Variants in KRT39 observed in about 807,000 individuals in gnomAD.
KRT39 encodes keratin, type I cytoskeletal 39.
A neutral mutation model predicts 54.8 loss-of-function variants in KRT39; 47 were observed. That is an observed-to-expected ratio of 0.86 (90% CI 0.68 to 1.09). The LOEUF is 1.09. Among genes scored for constraint, KRT39 ranks in the 50% least tolerant of loss-of-function variants. The pLI is 0.00. For synonymous variants in KRT39, 207 were observed against 227.9 expected (o/e 0.91, Z 0.83); for missense variants, 580 against 598.5 (o/e 0.97, Z 0.32).
At chr17:40,962,608 C>A (rs771106949) in intron 3 of KRT39, 45 bp from the exon 4 acceptor site, 6 of 1,545,566 alleles carry the variant, frequency 3.9e-6, no homozygotes, top group Admixed American at 3.6e-5. Flanking sequence ...GAACAGATAA[C>A]CCCTTTGTGT....
At chr17:40,960,136 G>T in intron 6 of KRT39, 145 bp downstream of exon 6, 1 of 670,806 alleles carries the variant, frequency 1.5e-6, no homozygotes, top group Non-Finnish European at 2.6e-6. Context: ...CACAGCTTGA[G>T]AGGGTGTGTG....
chr17:40,966,870 CT>C lies in KRT39; in HGVS notation c.-15del. On this transcript the variant is annotated 5_prime_UTR_variant, in exon 1 of 7. Transcript: ENST00000355612. ...CTTGGTGTCCATAGTATGTGTCTGG[CT>C]TTAGTTTGTTCCAGGTCTGTGGTCA... The C allele has an allele frequency of 6.4e-7, 1 of 1,555,566 alleles. No homozygotes were observed. Among genetic ancestry groups the C allele is most frequent in the Admixed American group, 1.7e-5 (1 of 58,258 alleles).
At position 40,964,498 on chromosome 17, in the gene KRT39, G is replaced by A; in HGVS notation, c.499C>T (p.Leu167=). The A allele has an allele frequency of 6.2e-7, 1 of 1,614,044 alleles. No homozygotes were observed. The highest frequency in any genetic ancestry group is 8.5e-7 in the Non-Finnish European group (1 of 1,179,896). Residue 167 remains leucine, a synonymous_variant, in exon 2 of 7, where the codon CTG becomes TTG. Coordinates refer to ENST00000355612, the MANE Select transcript of KRT39 (RefSeq NM_213656.4). ...ILCTKAENSR[L]VSQIDNTKLT... The stretch of plus-strand genomic sequence containing the variant: ...TTGGTGTTGTCAATTTGCGAGACCA[G>A]TCTGGAATTCTCGGCCTTGGTACAC...
At position 40,958,635 on chromosome 17, in the gene KRT39, T is replaced by C; in HGVS notation, c.1442A>G (p.Gln481Arg). The change falls in exon 7 of 7, where the codon CAG (glutamine) becomes CGG (arginine). Residue 481 changes from glutamine (Q) to arginine (R), a missense_variant. Transcript: ENST00000355612. The stretch of plus-strand genomic sequence containing the variant: ...GGCAGGTCTGATGATGAAACAAGGC[T>C]GCACATGCTCGTAAGAAGAAATGAC... Reference protein sequence around the residue: ...GKVISSYEHVQPCFIIRPAKV With the variant: ...GKVISSYEHVRPCFIIRPAKV 6.2e-7 allele frequency: 1 copy of C among 1,613,296 alleles called. No individual in the cohort carries two copies. Among genetic ancestry groups the C allele is most frequent in the Non-Finnish European group, 8.5e-7 (1 of 1,179,632 alleles).
rs1911100518 is a variant in KRT39, at chr17:40,960,427, C to G, written c.1071G>C (p.Leu357=). The change falls in exon 6 of 7, where the codon CTG becomes CTC. Residue 357 remains leucine (L), a synonymous_variant. Transcript: ENST00000355612. The part of the protein sequence containing the change: ...YTALLTQIQS[L]IDNLEAQLAE... ...CCAGCTGAGCTTCCAGGTTATCAATCAGACTCTGGATCTGGGTCAGCAAGG... is the reference window on the plus strand; with the variant it reads ...CCAGCTGAGCTTCCAGGTTATCAATGAGACTCTGGATCTGGGTCAGCAAGG... 1 of 1,614,122 alleles carries G rather than the reference C, an allele frequency of 6.2e-7. No individual in the cohort carries two copies. The highest frequency in any genetic ancestry group is 1.6e-4 in the Middle Eastern group (1 of 6,062).
rs2143606226 is a variant in KRT39, at chr17:40,958,737, T to C, written c.1340A>G (p.His447Arg). The change falls in exon 7 of 7, where the codon CAC becomes CGC. Residue 447 changes from histidine to arginine, a missense_variant. Coordinates refer to ENST00000355612, the MANE Select transcript of KRT39 (RefSeq NM_213656.4). ...TSSSPCSLKEHCSACGPLSRI... is the reference protein window; with the variant it reads ...TSSSPCSLKERCSACGPLSRI... The stretch of plus-strand genomic sequence containing the variant: ...GGACAGGGGTCCGCAGGCACTGCAG[T>C]GCTCCTTTAAGCTGCAGGGGGATGA... 6.2e-7 allele frequency: 1 copy of C among 1,614,128 alleles called. No individual in the cohort carries two copies. Among genetic ancestry groups the C allele is most frequent in the East Asian group, 2.2e-5 (1 of 44,866 alleles).
chr17:40,962,469 A>T lies in KRT39; in HGVS notation c.803T>A (p.Met268Lys), dbSNP rs1229762883. ...CATGATGGGCTCATATTGACATCTC[A>T]TTTCTTGTAGAACCTGGTTTAGGTC... ...SADLNQVLQE[M>K]RCQYEPIMET... The change falls in exon 4 of 7, where the codon ATG becomes AAG. Residue 268 changes from methionine (M) to lysine (K), a missense_variant. By Grantham distance (95) the Met-to-Lys change is moderately conservative. Coordinates refer to ENST00000355612, the MANE Select transcript of KRT39 (RefSeq NM_213656.4). 1.9e-6 allele frequency: 3 copies of T among 1,613,350 alleles called. No individual in the cohort carries two copies. In the Admixed American group the frequency reaches 5.0e-5, roughly 27 times the overall value.
At chr17:40,966,043 C>A (rs1911376879) in intron 1 of KRT39, among the ~76,000 whole-genome samples, 1 of 148,820 alleles carries the variant, frequency 6.7e-6, no homozygotes, top group African/African-American at 2.5e-5. Flanking sequence ...CCACCACGCC[C>A]ATCTAATTTT....
Position 40,962,301 on chromosome 17 carries a change from C to A in KRT39, c.871-14G>T. ...CAGCTCCTCTATCTGAAACACACAG[C>A]CAGAGACTGAGAATATTATGGGAGG... On this transcript the variant is annotated splice_polypyrimidine_tract_variant and intron_variant, in intron 4 of 6. Transcript: ENST00000355612. 6.2e-7 allele frequency: 1 copy of A among 1,613,712 alleles called. No homozygotes were observed. The highest frequency in any genetic ancestry group is 8.5e-7 in the Non-Finnish European group (1 of 1,179,804).
intron 5 of KRT39, among the ~76,000 whole-genome samples, chr17:40,960,900 G>C (rs985536860): frequency 2.0e-5 from 3 of 152,208 alleles, no homozygotes; most frequent in African/African-American, 7.2e-5. Flanking sequence ...GGGAGGCCCA[G>C]GTGGGTGGAT....
chr17:40,958,592 C>A lies in KRT39; in HGVS notation c.*9G>T. ...CATAAATGTGGGTCATTTTCATCAC[C>A]TTGGGATGTTAGACTTTGGCAGGTC... On this transcript the variant is annotated 3_prime_UTR_variant, in exon 7 of 7. Transcript: ENST00000355612. The A allele has an allele frequency of 6.3e-7, 1 of 1,596,530 alleles. No homozygotes were observed. Among genetic ancestry groups the A allele is most frequent in the Non-Finnish European group, 8.5e-7 (1 of 1,171,520 alleles).
chr17:40,964,103 T>A (rs1911265696), intron 2 of KRT39: 1 of 418,758 alleles, frequency 2.4e-6, no homozygotes, highest in Admixed American at 3.9e-5. Flanking sequence ...CAAGTTTCGG[T>A]TTTGACTTGT....
At chr17:40,959,689 G>C (rs1911056763) in intron 6 of KRT39, among the ~76,000 whole-genome samples, 1 of 152,192 alleles carries the variant, frequency 6.6e-6, no homozygotes, top group South Asian at 2.1e-4. Context: ...TTTGGACTGA[G>C]TTGCTTCAAA....
intron 4 of KRT39, 49 bp from the exon 5 acceptor site, chr17:40,962,336 CT>C: frequency 6.2e-7 from 1 of 1,612,034 alleles, no homozygotes; most frequent in East Asian, 2.2e-5. Flanking sequence ...GAAAACATGA[CT>C]TTGATTAAAG....
chr17:40,958,718 G>C lies in KRT39; in HGVS notation c.1359C>G (p.Pro453=), dbSNP rs1269634705. The C allele has an allele frequency of 6.2e-7, 1 of 1,614,058 alleles. No individual in the cohort carries two copies. Among genetic ancestry groups the C allele is most frequent in the African/African-American group, 1.3e-5 (1 of 75,012 alleles). The change falls in exon 7 of 7, where the codon CCC becomes CCG. Residue 453 remains proline, a synonymous_variant. Transcript: ENST00000355612. ...AAATTTTAACCAGTATCCGGGACAG[G>C]GGTCCGCAGGCACTGCAGTGCTCCT... ...SLKEHCSACG[P]LSRILVKICT...
intron 1 of KRT39, among the ~76,000 whole-genome samples, chr17:40,965,073 G>A (rs531893322): frequency 2.7e-4 from 41 of 152,018 alleles, no homozygotes; most frequent in Non-Finnish European, 5.0e-4. Context: ...GCGTGGTGGC[G>A]GGCGCCTGTA....
chr17:40,963,955 T>G (rs1427106684), intron 2 of KRT39, among the ~76,000 whole-genome samples, 172 bp from the exon 3 acceptor site: 1 of 152,242 alleles, frequency 6.6e-6, no homozygotes, highest in Non-Finnish European at 1.5e-5. Flanking sequence ...ACTTAATTAT[T>G]ATTCCCAAAT....
In KRT39 at chr17:40,966,901, G is replaced by C. The variant is rs1357548713; in HGVS notation, c.-45C>G. The C allele has an allele frequency of 2.1e-6, 3 of 1,439,912 alleles. No homozygotes were observed. The highest frequency in any genetic ancestry group is 2.8e-5 in the African/African-American group (2 of 71,236). The allele number at this position is 1,439,912 out of a possible 1,614,324, so 89.2% of individuals were successfully genotyped here. ...TTTGTTCCAGGTCTGTGGTCACCAG[G>C]ATGAAAAGCTCAAGCCACCTCCACA... On this transcript the variant is annotated 5_prime_UTR_variant, in exon 1 of 7. The change creates a new upstream start codon in the 5' untranslated region. Transcript: ENST00000355612.
At position 40,962,217 on chromosome 17, in the gene KRT39, T is replaced by C; in HGVS notation, c.941A>G (p.Glu314Gly). The change falls in exon 5 of 7, where the codon GAA becomes GGA. Residue 314 changes from glutamate to glycine, a missense_variant. Transcript: ENST00000355612. Reference protein sequence around the residue: ...QQQCCQKEIIELRRSVNTLEV... With the variant: ...QQQCCQKEIIGLRRSVNTLEV... ...CAGAGTGTTCACACTGCGTCTCAGTTCTATGATCTCCTTTTGGCAGCATTG... is the reference window on the plus strand; with the variant it reads ...CAGAGTGTTCACACTGCGTCTCAGTCCTATGATCTCCTTTTGGCAGCATTG... The C allele has an allele frequency of 6.2e-7, 1 of 1,614,234 alleles. No homozygotes were observed. Among genetic ancestry groups the C allele is most frequent in the South Asian group, 1.1e-5 (1 of 91,086 alleles).
Sources: allele counts gnomAD v4.1 joint callset (sites outside exome capture counted in the v4.1 genomes callset), GRCh38; gene constraint gnomAD v4.1.1; transcripts MANE v1.5; gene names NCBI Gene and HGNC (gene_info 2026-07-23, HGNC 2026-07-21).